The following DCAF6 variants were observed in gnomAD, a reference collection of about 807,000 sequenced individuals.
The protein encoded by DCAF6 is DDB1 and CUL4 associated factor 6, also known as DDB1- and CUL4-associated factor 6.
In DCAF6, 54 loss-of-function variants were observed where a neutral mutation model predicts 125.1. The ratio of observed to expected loss-of-function variants is 0.43; its 90% CI spans 0.35 to 0.54. The LOEUF (loss-of-function observed/expected upper bound fraction) is 0.54. DCAF6 is among the 20% of genes least tolerant of loss of function. The pLI is 0.01. For missense variants in DCAF6, 934 were observed against 1,161.7 expected, an observed-to-expected ratio of 0.80 and a Z score of 2.85; for synonymous variants, 371 against 390.4, an observed-to-expected ratio of 0.95 and a Z score of 0.58.
At chr1:167,966,356 T>C (rs1394007223) in intron 2 of DCAF6, among the ~76,000 whole-genome samples, 1 of 152,232 alleles carries the variant, frequency 6.6e-6, no homozygotes, top group African/African-American at 2.4e-5. Flanking sequence ...CATAAATTCA[T>C]AAACTTTCTT....
At chr1:168,036,260 GTC>G (rs1359414522) in intron 12 of DCAF6, among the ~76,000 whole-genome samples, 1 of 152,092 alleles carries the variant, frequency 6.6e-6, no homozygotes, top group Non-Finnish European at 1.5e-5. Flanking sequence ...ATCTATAACT[GTC>G]TCTTAAATTT....
At chr1:168,031,398 T>A (rs986075014) in intron 12 of DCAF6, among the ~76,000 whole-genome samples, 4 of 152,138 alleles carry the variant, frequency 2.6e-5, no homozygotes, top group African/African-American at 9.7e-5. Context: ...TCAAGTAAAT[T>A]GGCTCCAAAA....
chr1:168,065,886 T>C (rs1692265579), intron 19 of DCAF6, 140 bp downstream of exon 19: 1 of 724,458 alleles, frequency 1.4e-6, no homozygotes, highest in Non-Finnish European at 2.1e-6. Flanking sequence ...CAATTACAGC[T>C]GAACTTGCAC....
At chr1:167,879,950 T>C in the DCAF6 span, among the ~76,000 whole-genome samples, 7 of 152,156 alleles carry the variant, frequency 4.6e-5, no homozygotes, top group African/African-American at 1.7e-4. Flanking sequence ...AAATGCACAC[T>C]CTGCAAGCAT....
At chr1:168,065,485 TA>T (rs1325598946) in intron 18 of DCAF6, 104 bp from the exon 19 acceptor site, 2 of 940,994 alleles carry the variant, frequency 2.1e-6, no homozygotes, top group Non-Finnish European at 3.1e-6. Context: ...GCCAGTTTTT[TA>T]AAAAATGTAA....
chr1:167,874,634 C>T, the DCAF6 span, among the ~76,000 whole-genome samples: 1 of 152,138 alleles, frequency 6.6e-6, no homozygotes, highest in Non-Finnish European at 1.5e-5. Context: ...AACAGAAATG[C>T]ATACATGCAT....
At chr1:167,909,793 T>C in the DCAF6 span, among the ~76,000 whole-genome samples, 2 of 152,198 alleles carry the variant, frequency 1.3e-5, no homozygotes, top group African/African-American at 2.4e-5. Flanking sequence ...GTCAGGCTTT[T>C]CAACTTTTAG....
At chr1:167,994,712 T>G (rs185055320) in intron 7 of DCAF6, among the ~76,000 whole-genome samples, 7 of 152,322 alleles carry the variant, frequency 4.6e-5, no homozygotes, top group Admixed American at 1.3e-4. Flanking sequence ...TGTTTAAGCT[T>G]CTTTCCTCAA....
At chr1:168,071,092 T>G (rs598535) in intron 21 of DCAF6, among the ~76,000 whole-genome samples, 125 of 152,300 alleles carry the variant, frequency 8.2e-4, no homozygotes, top group African/African-American at 2.8e-3. Context: ...GACCTAATAT[T>G]TATATACCCT....
intron 16 of DCAF6, 73 bp downstream of exon 16, chr1:168,045,300 G>C: frequency 7.4e-7 from 1 of 1,359,826 alleles, no homozygotes; most frequent in Non-Finnish European, 9.9e-7. Flanking sequence ...TCATTGAAGG[G>C]AATCTCTCCA....
chr1:167,987,632 A>G (rs1410373930), intron 5 of DCAF6, 24 bp downstream of exon 5: 2 of 1,199,286 alleles, frequency 1.7e-6, no homozygotes, highest in African/African-American at 3.0e-5. Flanking sequence ...TTTTATACAA[A>G]TGATGCAGAA....
chr1:167,967,714 C>CTTTTTTTTTTTTTTTTTTTTTTTTTT (rs552208317), intron 3 of DCAF6, among the ~76,000 whole-genome samples: 9 of 74,578 alleles, frequency 1.2e-4, no homozygotes, highest in African/African-American at 4.7e-4. Context: ...TTTCCTGTAT[C>CTTTTTTTTTTTTTTTTTTTTTTTTTT]TTTTTTTTTT....
chr1:167,878,333 T>C, the DCAF6 span: 1 of 1,229,006 alleles, frequency 8.1e-7, no homozygotes, highest in African/African-American at 1.5e-5. Context: ...GGGGAAAGCA[T>C]AGATTTCAAC....
chr1:168,007,842 G>A (rs558439991), intron 10 of DCAF6, among the ~76,000 whole-genome samples: 127 of 150,146 alleles, frequency 8.5e-4, no homozygotes, highest in Non-Finnish European at 1.4e-3. Flanking sequence ...AATATCTCCT[G>A]TAAATTCATG....
At chr1:167,985,243 G>A (rs10918805) in intron 4 of DCAF6, among the ~76,000 whole-genome samples, 259 of 151,858 alleles carry the variant, frequency 1.7e-3, no homozygotes, top group African/African-American at 4.4e-3. Flanking sequence ...GTGTGCGTGC[G>A]CGTGTGCACG....
chr1:167,905,349 T>C, the DCAF6 span, among the ~76,000 whole-genome samples: 2 of 152,218 alleles, frequency 1.3e-5, no homozygotes, highest in Non-Finnish European at 2.9e-5. Flanking sequence ...AGGGCCAATT[T>C]CTATACAGAG....
chr1:167,910,742 CAGAGAACTAAG>C, the DCAF6 span, among the ~76,000 whole-genome samples: 1 of 152,076 alleles, frequency 6.6e-6, no homozygotes, highest in Non-Finnish European at 1.5e-5. Flanking sequence ...GCTGAGTAGC[CAGAGAACTAAG>C]ATAGGACTGA....
At chr1:167,958,678 A>G (rs1433357697) in intron 2 of DCAF6, among the ~76,000 whole-genome samples, 2 of 152,202 alleles carry the variant, frequency 1.3e-5, no homozygotes, top group African/African-American at 4.8e-5. Context: ...ATATCAGAAC[A>G]TTGTGTTTAC....
At chr1:167,891,730 A>G in the DCAF6 span, among the ~76,000 whole-genome samples, 3 of 151,912 alleles carry the variant, frequency 2.0e-5, no homozygotes, top group South Asian at 6.2e-4. Context: ...GAATTTTGTT[A>G]ATTAAATACA....
Sources: allele counts gnomAD v4.1 joint callset (sites outside exome capture counted in the v4.1 genomes callset), GRCh38; gene constraint gnomAD v4.1.1; transcripts MANE v1.5; gene names NCBI Gene and HGNC (gene_info 2026-07-23, HGNC 2026-07-21).